The following DLG2 variants were observed in gnomAD, a reference collection of about 807,000 sequenced individuals.
DLG2 encodes the protein discs large MAGUK scaffold protein 2, also known as disks large homolog 2.
Under a neutral mutation model 132.5 loss-of-function variants are expected in DLG2, and 45 were observed. The ratio of observed to expected loss-of-function variants is 0.34; its 90% confidence interval spans 0.27 to 0.44. The LOEUF is 0.44. Among genes scored for constraint, DLG2 ranks in the 20% least tolerant of loss-of-function variants. DLG2 has a pLI of 1.00. For synonymous variants in DLG2, 424 were observed against 419.6 expected (o/e 1.01, Z -0.13); for missense variants, 1,045 against 1,196.9 (o/e 0.87, Z 1.87).
At chr11:85,055,949 T>C (rs143756640) in intron 6 of DLG2, among the ~76,000 whole-genome samples, 17 of 152,274 alleles carry the variant, frequency 1.1e-4, no homozygotes, top group African/African-American at 2.9e-4. Context: ...GCCCAGCCCA[T>C]AGTTACATTA....
intron 11 of DLG2, among the ~76,000 whole-genome samples, chr11:84,052,292 TTA>T (rs1278888969): frequency 6.6e-6 from 1 of 151,766 alleles, no homozygotes; most frequent in African/African-American, 2.4e-5. Context: ...TATTTACATA[TTA>T]TATATATGCA....
chr11:85,463,580 A>T (rs1340363894), intron 3 of DLG2, among the ~76,000 whole-genome samples: 1 of 152,156 alleles, frequency 6.6e-6, no homozygotes, highest in African/African-American at 2.4e-5. Flanking sequence ...GGAGTATGAG[A>T]CCAATCTGGG....
Position 84,650,902 on chromosome 11 carries a change from A to T in DLG2, c.358-116171T>A, listed in dbSNP as rs1023784893. ...ATATATATATATATATATATATATAAAATTTTTGTGCATTTGTTGAAGTAC... is the reference window on the plus strand; with the variant it reads ...ATATATATATATATATATATATATATAATTTTTGTGCATTTGTTGAAGTAC... On this transcript the variant is annotated intron_variant, in intron 6 of 27. Coordinates refer to ENST00000376104, the MANE Select transcript of DLG2 (RefSeq NM_001142699.3). 1.6e-4 allele frequency among the ~76,000 whole-genome samples: 13 copies of T among 78,972 alleles called. No homozygotes were observed. The South Asian group carries it at 2.0e-3, about 12-fold the overall frequency. 51.8% of individuals were successfully genotyped at this position (78,972 alleles called of 152,430 possible). A position where few individuals can be genotyped will look rare whatever the true frequency, so the allele number is the denominator to read the frequency against.
chr11:84,397,206 T>TA (rs1457641601), intron 7 of DLG2, among the ~76,000 whole-genome samples: 4 of 152,188 alleles, frequency 2.6e-5, no homozygotes, highest in Admixed American at 2.6e-4. Context: ...CTAAGACTGA[T>TA]ACGACTACAA....
chr11:84,150,001 C>T (rs2095242820), intron 9 of DLG2, among the ~76,000 whole-genome samples: 1 of 152,110 alleles, frequency 6.6e-6, no homozygotes, highest in Non-Finnish European at 1.5e-5. Flanking sequence ...CGTGATCCAC[C>T]CACCTTAGCC....
intron 6 of DLG2, among the ~76,000 whole-genome samples, chr11:85,047,294 G>T (rs751226436): frequency 6.6e-6 from 1 of 151,684 alleles, no homozygotes; most frequent in Non-Finnish European, 1.5e-5. Flanking sequence ...TAGTAGAGTG[G>T]GCAAATCATT....
At chr11:84,339,609 T>C (rs1355189107) in intron 7 of DLG2, among the ~76,000 whole-genome samples, 1 of 152,196 alleles carries the variant, frequency 6.6e-6, no homozygotes, top group Non-Finnish European at 1.5e-5. Flanking sequence ...TGATATACAC[T>C]TTTTCCAATT....
chr11:84,727,039 T>C (rs995386161), intron 6 of DLG2, among the ~76,000 whole-genome samples: 12 of 152,222 alleles, frequency 7.9e-5, no homozygotes, highest in African/African-American at 2.9e-4. Flanking sequence ...TCTCCCATTC[T>C]GTAGGTTGCC....
At chr11:84,127,719 C>T (rs1337111702) in intron 9 of DLG2, among the ~76,000 whole-genome samples, 3 of 152,176 alleles carry the variant, frequency 2.0e-5, no homozygotes, top group Non-Finnish European at 2.9e-5. Context: ...CAGGTGTGAG[C>T]TACTATGCTC....
At chr11:85,342,164 CT>C (rs746561839) in intron 3 of DLG2, among the ~76,000 whole-genome samples, 1 of 152,078 alleles carries the variant, frequency 6.6e-6, no homozygotes, top group Non-Finnish European at 1.5e-5. Context: ...CTTAATATAA[CT>C]TTTTTGCTTT....
intron 7 of DLG2, among the ~76,000 whole-genome samples, chr11:84,513,929 G>T (rs181372348): frequency 2.0e-5 from 3 of 152,136 alleles, no homozygotes; most frequent in Admixed American, 1.3e-4. Flanking sequence ...GAAATCATTT[G>T]CCAGTTACCT....
chr11:84,533,905 C>CAA (rs558597260), intron 7 of DLG2, among the ~76,000 whole-genome samples: 927 of 70,204 alleles, frequency 0.013, 94 homozygotes, highest in African/African-American at 0.028. Flanking sequence ...CCAGTTCAGC[C>CAA]AAAAAAAAAA....
chr11:83,921,419 C>A (rs770710880), intron 15 of DLG2, among the ~76,000 whole-genome samples: 1 of 152,160 alleles, frequency 6.6e-6, no homozygotes, highest in Non-Finnish European at 1.5e-5. Flanking sequence ...ATTTGTTTCT[C>A]AAACCATGTA....
At chr11:83,811,574 C>T (rs549511079) in intron 17 of DLG2, among the ~76,000 whole-genome samples, 5 of 151,940 alleles carry the variant, frequency 3.3e-5, no homozygotes, top group East Asian at 1.9e-4. Context: ...GTAAAATTCA[C>T]GACATTTGCT....
intron 6 of DLG2, among the ~76,000 whole-genome samples, chr11:84,641,749 C>T (rs1457062549): frequency 6.6e-6 from 1 of 152,068 alleles, no homozygotes; most frequent in Non-Finnish European, 1.5e-5. Flanking sequence ...CAGTACCTAA[C>T]TCATCAGATT....
chr11:85,518,769 T>G (rs912542893), intron 3 of DLG2, among the ~76,000 whole-genome samples: 2 of 152,188 alleles, frequency 1.3e-5, no homozygotes, highest in Non-Finnish European at 2.9e-5. Flanking sequence ...TCCGGAGGCC[T>G]AGGAGGAAAA....
At chr11:85,068,171 T>C (rs1018365872) in intron 6 of DLG2, among the ~76,000 whole-genome samples, 4 of 152,138 alleles carry the variant, frequency 2.6e-5, no homozygotes, top group Non-Finnish European at 5.9e-5. Context: ...AAGAGCTATT[T>C]ATGACAAACC....
rs190986092 is a variant in DLG2 at position 84,584,967 on chromosome 11, C to A, written c.358-50236G>T. On this transcript the variant is annotated intron_variant, in intron 6 of 27. Transcript: ENST00000376104. ...CCTCCCAAAGTGCTGGGATTACAGG[C>A]GTGAGCCACCGCGCCCGGCCCCAGC... 9.6e-3 allele frequency among the ~76,000 whole-genome samples: 1,458 copies of A among 151,986 alleles called. 22 individuals carry two copies. The highest frequency in any genetic ancestry group is 0.033 in the African/African-American group (1,350 of 41,502).
At chr11:85,595,919 T>A (rs1486975495) in intron 3 of DLG2, among the ~76,000 whole-genome samples, 1 of 152,112 alleles carries the variant, frequency 6.6e-6, no homozygotes, top group Non-Finnish European at 1.5e-5. Context: ...TTTAAGCATA[T>A]GATGAAGGAC....
Sources: allele counts gnomAD v4.1 joint callset (sites outside exome capture counted in the v4.1 genomes callset), GRCh38; gene constraint gnomAD v4.1.1; transcripts MANE v1.5; gene names NCBI Gene and HGNC (gene_info 2026-07-23, HGNC 2026-07-21).